Variants in CLN8 observed in about 807,000 individuals in gnomAD.
The protein encoded by CLN8 is CLN8 transmembrane ER and ERGIC protein.
Under a neutral mutation model 15.7 loss-of-function variants are expected in CLN8, and 14 were observed. The observed-to-expected ratio is 0.89, with a 90% CI of 0.59 to 1.39. The LOEUF (loss-of-function observed/expected upper bound fraction) is 1.39, where lower values mean the gene tolerates loss of function less well. Among genes scored for constraint, CLN8 ranks in the 40% most tolerant of loss-of-function variants. CLN8 has a pLI of 0.00. For missense variants in CLN8, 415 were observed against 364.0 expected, an observed-to-expected ratio of 1.14 and a Z score of -1.14; for synonymous variants, 188 against 151.0, an observed-to-expected ratio of 1.25 and a Z score of -1.80.
rs1055357075 is a variant in CLN8, at chr8:1,781,963, G to A, written c.*1396G>A. On this transcript the variant is annotated 3_prime_UTR_variant, in exon 3 of 3. Transcript: ENST00000331222. The stretch of plus-strand genomic sequence containing the variant: ...AACAGACATACAGAATTGTGTGTGT[G>A]TGTGTGTGTGTGTGTGTGAGTGTTT... 1.3e-5 allele frequency: 2 copies of A among 151,770 alleles called. No homozygotes were observed. Among genetic ancestry groups the A allele is most frequent in the African/African-American group, 4.8e-5 (2 of 41,264 alleles). 9.4% of individuals were successfully genotyped at this position (151,770 alleles called of 1,614,324 possible).
chr8:1,754,509 G>C (rs1483525672), upstream of CLN8, among the ~76,000 whole-genome samples: 1 of 152,162 alleles, frequency 6.6e-6, no homozygotes, highest in African/African-American at 2.4e-5. Context: ...ATTCTCTTTT[G>C]TAGTGAGGAC....
chr8:1,766,441 G>C (rs1438043637), intron 1 of CLN8, among the ~76,000 whole-genome samples: 3 of 145,162 alleles, frequency 2.1e-5, no homozygotes, highest in Non-Finnish European at 1.5e-5. Flanking sequence ...CCAGGCTGGA[G>C]TGCAGTGGCG....
chr8:1,776,005 G>A (rs1801497768), intron 2 of CLN8, among the ~76,000 whole-genome samples: 1 of 151,948 alleles, frequency 6.6e-6, no homozygotes, highest in African/African-American at 2.4e-5. Context: ...AGGGGCACAC[G>A]TGTGTGGTGG....
chr8:1,783,653 T>C lies in CLN8; in HGVS notation c.*3086T>C, dbSNP rs948497063. 6.6e-6 allele frequency: 1 copy of C among 151,808 alleles called. No individual in the cohort carries two copies. Among genetic ancestry groups the C allele is most frequent in the African/African-American group, 2.4e-5 (1 of 41,298 alleles). The allele number at this position is 151,808 out of a possible 1,614,324, so 9.4% of individuals were successfully genotyped here. A position where few individuals can be genotyped will look rare whatever the true frequency, so the allele number is the denominator to read the frequency against. ...GCACAGGCTTCTGCCCTTCTCGGTG[T>C]CCAGGCTCCTTGGGTGATGCTGGAG... On this transcript the variant is annotated 3_prime_UTR_variant, in exon 3 of 3. Coordinates refer to ENST00000331222, the MANE Select transcript of CLN8 (RefSeq NM_018941.4).
intron 1 of CLN8, among the ~76,000 whole-genome samples, chr8:1,765,846 T>G (rs1415566390): frequency 2.6e-5 from 4 of 152,206 alleles, no homozygotes; most frequent in Admixed American, 6.5e-5. Flanking sequence ...TTTAGTTATT[T>G]CTCCTAGAAA....
intron 1 of CLN8, among the ~76,000 whole-genome samples, chr8:1,757,953 G>C (rs557315851): frequency 1.3e-5 from 2 of 152,178 alleles, no homozygotes; most frequent in South Asian, 4.1e-4. Context: ...GGAGACTTTA[G>C]GGACCAATCT....
At chr8:1,757,930 C>T (rs761721868) in intron 1 of CLN8, among the ~76,000 whole-genome samples, 1 of 152,100 alleles carries the variant, frequency 6.6e-6, no homozygotes, top group Non-Finnish European at 1.5e-5. Context: ...GATCGTCTAG[C>T]TTTCATGTTG....
chr8:1,758,892 T>C (rs1800729700), upstream of CLN8: 1 of 152,186 alleles, frequency 6.6e-6, no homozygotes, highest in South Asian at 2.1e-4. Context: ...AAATCTCTCC[T>C]AGATCAGGGA....
rs535911532 is a variant in CLN8, at chr8:1,767,121, C to T, written c.-124+3236C>T. On this transcript the variant is annotated intron_variant, in intron 1 of 2. Coordinates refer to ENST00000331222, the MANE Select transcript of CLN8 (RefSeq NM_018941.4). ...GCTGAGAGAGCTGAGGAGTTCACCT[C>T]CTTTGTGAACTCCTGGCTGGAGGAT... Among the ~76,000 whole-genome samples the T allele has an allele frequency of 1.8e-4, 28 of 152,314 alleles. No homozygotes were observed. The Middle Eastern group carries it at 0.014, about 74-fold the overall frequency.
chr8:1,777,245 A>G (rs1365693474), intron 2 of CLN8, among the ~76,000 whole-genome samples: 1 of 152,218 alleles, frequency 6.6e-6, no homozygotes, highest in African/African-American at 2.4e-5. Flanking sequence ...AGAAAGGTAT[A>G]GTAAAAATAC....
At chr8:1,762,918 A>G (rs1800838184), upstream of CLN8, 1 of 152,276 alleles carries the variant, frequency 6.6e-6, no homozygotes, top group South Asian at 2.1e-4. Flanking sequence ...GTACTCCTCT[A>G]GATGTCGATT....
At chr8:1,779,382 T>A (rs1801633399) in intron 2 of CLN8, among the ~76,000 whole-genome samples, 1 of 152,196 alleles carries the variant, frequency 6.6e-6, no homozygotes. Flanking sequence ...TAGCTGGGAT[T>A]ACATGGTGCG....
upstream of CLN8, among the ~76,000 whole-genome samples, chr8:1,761,674 G>A (rs573896680): frequency 6.6e-6 from 1 of 152,318 alleles, no homozygotes; most frequent in East Asian, 1.9e-4. Context: ...GGGCCAGTAA[G>A]CTGGGAGCAC....
intron 1 of CLN8, chr8:1,764,252 C>T (rs927110143): frequency 3.3e-5 from 5 of 152,274 alleles, no homozygotes; most frequent in African/African-American, 1.2e-4. Flanking sequence ...TTTCGAGCCC[C>T]GCAGCCCGGG....
chr8:1,766,390 GTTTTTTTTTTT>G (rs5888909), intron 1 of CLN8, among the ~76,000 whole-genome samples: 1 of 109,494 alleles, frequency 9.1e-6, no homozygotes, highest in Non-Finnish European at 1.9e-5. Flanking sequence ...CCAGTTTTTT[GTTTTTTTTTTT>G]TTTTTTGAGA....
At chr8:1,757,116 C>T (rs1800689264) in intron 1 of CLN8, among the ~76,000 whole-genome samples, 1 of 152,170 alleles carries the variant, frequency 6.6e-6, no homozygotes, top group Non-Finnish European at 1.5e-5. Flanking sequence ...GGCCAGCGTC[C>T]CTCTCTCTAC....
At chr8:1,768,434 C>A (rs1394174076) in intron 1 of CLN8, among the ~76,000 whole-genome samples, 2 of 152,172 alleles carry the variant, frequency 1.3e-5, no homozygotes, top group African/African-American at 4.8e-5. Context: ...CTGGGCAGAG[C>A]CTTCTGGAGT....
At chr8:1,767,487 T>C (rs1040182341) in intron 1 of CLN8, among the ~76,000 whole-genome samples, 1 of 151,908 alleles carries the variant, frequency 6.6e-6, no homozygotes, top group African/African-American at 2.4e-5. Flanking sequence ...TTTGCTCTTA[T>C]GGTGAAGATC....
chr8:1,757,965 A>G (rs1239228520), intron 1 of CLN8, among the ~76,000 whole-genome samples: 1 of 152,132 alleles, frequency 6.6e-6, no homozygotes, highest in African/African-American at 2.4e-5. Context: ...GACCAATCTC[A>G]TCCTTTTACA....
Sources: allele counts gnomAD v4.1 joint callset (sites outside exome capture counted in the v4.1 genomes callset), GRCh38; gene constraint gnomAD v4.1.1; transcripts MANE v1.5; gene names NCBI Gene and HGNC (gene_info 2026-07-23, HGNC 2026-07-21).